SLC25A21: variants seen among roughly 807,000 people sequenced by gnomAD.
The protein encoded by SLC25A21 is mitochondrial 2-oxodicarboxylate carrier.
SLC25A21 carries 47 observed loss-of-function variants against 43.8 expected under a neutral mutation model. That is an observed-to-expected ratio of 1.07 (90% CI 0.85 to 1.37). SLC25A21 has a LOEUF of 1.37. Among genes scored for constraint, SLC25A21 ranks in the 40% most tolerant of loss-of-function variants. The pLI, the probability that SLC25A21 is intolerant of heterozygous loss-of-function variation, is 0.00. For synonymous variants in SLC25A21, 131 were observed against 121.3 expected (o/e 1.08, Z -0.52); for missense variants, 352 against 350.2 (o/e 1.00, Z -0.04).
chr14:36,946,198 CTT>C (rs1227617922), intron 1 of SLC25A21, among the ~76,000 whole-genome samples: 3 of 152,146 alleles, frequency 2.0e-5, no homozygotes, highest in Admixed American at 2.0e-4. Context: ...AAACTTACTT[CTT>C]GTCATACTGT....
intron 1 of SLC25A21, among the ~76,000 whole-genome samples, chr14:36,926,511 G>C (rs1021964717): frequency 3.3e-5 from 5 of 152,116 alleles, no homozygotes; most frequent in Non-Finnish European, 7.4e-5. Context: ...ACACTAAAAA[G>C]GAACTTCTTA....
chr14:37,053,215 A>T (rs1390645554), intron 1 of SLC25A21, among the ~76,000 whole-genome samples: 1 of 152,218 alleles, frequency 6.6e-6, no homozygotes, highest in Non-Finnish European at 1.5e-5. Flanking sequence ...AAAGGAAAAG[A>T]GATGAGAACC....
intron 1 of SLC25A21, among the ~76,000 whole-genome samples, chr14:37,014,089 T>A (rs1265164860): frequency 6.6e-6 from 1 of 152,096 alleles, no homozygotes; most frequent in African/African-American, 2.4e-5. Context: ...TGCCTTCACA[T>A]TGGTGAAGGC....
At chr14:36,813,355 C>T (rs1249166377) in intron 3 of SLC25A21, among the ~76,000 whole-genome samples, 2 of 128,584 alleles carry the variant, frequency 1.6e-5, no homozygotes, top group South Asian at 3.3e-4. Flanking sequence ...GATAATTAAT[C>T]GGACGCATCA....
At chr14:36,906,728 T>A (rs551889342) in intron 1 of SLC25A21, among the ~76,000 whole-genome samples, 1 of 151,914 alleles carries the variant, frequency 6.6e-6, no homozygotes, top group African/African-American at 2.4e-5. Context: ...ATGGTCTCGA[T>A]CTCCTGACCT....
At position 36,679,253 on chromosome 14, in the gene SLC25A21, A is replaced by C; in HGVS notation, c.*1405T>G. 1 of 984,046 alleles carries C rather than the reference A, an allele frequency of 1.0e-6. No individual in the cohort carries two copies. Among genetic ancestry groups the C allele is most frequent in the Non-Finnish European group, 1.2e-6 (1 of 828,678 alleles). 61.0% of individuals were successfully genotyped at this position (984,046 alleles called of 1,614,324 possible). A position where few individuals can be genotyped will look rare whatever the true frequency, so the allele number is the denominator to read the frequency against. On this transcript the variant is annotated 3_prime_UTR_variant, in exon 10 of 10. Transcript: ENST00000331299. ...TTGGACTGAAATATAAATTTTAAAA[A>C]ACACGTTGGAAAGGATGTACAACAG...
chr14:36,931,107 C>T (rs772959137), intron 1 of SLC25A21, among the ~76,000 whole-genome samples: 2 of 151,964 alleles, frequency 1.3e-5, no homozygotes, highest in Non-Finnish European at 2.9e-5. Context: ...TTTCCTCCTC[C>T]CCCCTATTTA....
intron 1 of SLC25A21, among the ~76,000 whole-genome samples, chr14:37,121,396 C>T (rs931722247): frequency 6.6e-6 from 1 of 152,128 alleles, no homozygotes; most frequent in Non-Finnish European, 1.5e-5. Context: ...CATGTCAGTG[C>T]GGATAGGGGA....
At chr14:36,987,711 C>T (rs1419435004) in intron 1 of SLC25A21, among the ~76,000 whole-genome samples, 1 of 152,122 alleles carries the variant, frequency 6.6e-6, no homozygotes, top group Non-Finnish European at 1.5e-5. Flanking sequence ...TCCATTTTTC[C>T]TATTATACAT....
At chr14:36,735,135 G>C (rs1884980698) in intron 3 of SLC25A21, among the ~76,000 whole-genome samples, 1 of 152,170 alleles carries the variant, frequency 6.6e-6, no homozygotes, top group Admixed American at 6.5e-5. Context: ...AGGTCACAGA[G>C]GGCCAGCTAC....
chr14:36,703,383 T>C (rs1376175113), intron 7 of SLC25A21, among the ~76,000 whole-genome samples: 2 of 152,222 alleles, frequency 1.3e-5, no homozygotes, highest in Non-Finnish European at 2.9e-5. Context: ...TCAGACATTC[T>C]ACAGAATTTA....
chr14:37,128,347 G>C (rs1264970524), intron 1 of SLC25A21, among the ~76,000 whole-genome samples: 1 of 152,216 alleles, frequency 6.6e-6, no homozygotes, highest in African/African-American at 2.4e-5. Flanking sequence ...ATTTTCTGTT[G>C]TTTGAAGCCA....
intron 1 of SLC25A21, among the ~76,000 whole-genome samples, chr14:37,088,781 A>C (rs1193143549): frequency 6.6e-6 from 1 of 152,216 alleles, no homozygotes; most frequent in Non-Finnish European, 1.5e-5. Flanking sequence ...TTAGTAACCA[A>C]GAAAACACCC....
At chr14:36,839,518 T>G (rs1205133977) in intron 2 of SLC25A21, among the ~76,000 whole-genome samples, 1 of 152,218 alleles carries the variant, frequency 6.6e-6, no homozygotes, top group Non-Finnish European at 1.5e-5. Flanking sequence ...ACACTCTTGC[T>G]CTAAAAAATT....
intron 1 of SLC25A21, among the ~76,000 whole-genome samples, chr14:36,958,728 A>G (rs1959411394): frequency 6.6e-6 from 1 of 151,108 alleles, no homozygotes. Context: ...CATGCAACAG[A>G]GCCAGAAGGG....
intron 1 of SLC25A21, among the ~76,000 whole-genome samples, chr14:37,162,272 G>T (rs1009310871): frequency 3.9e-5 from 6 of 152,170 alleles, no homozygotes; most frequent in South Asian, 2.1e-4. Context: ...AGTTTAATTA[G>T]ATCCGATTTG....
At chr14:36,793,533 C>CA (rs35553282) in intron 3 of SLC25A21, among the ~76,000 whole-genome samples, 48,231 of 125,754 alleles carry the variant, frequency 0.38, 9,722 homozygotes, top group East Asian at 0.57. Context: ...AAAATACAAC[C>CA]AAAAAAAAAA....
chr14:36,759,106 C>T (rs1157069666), intron 3 of SLC25A21, among the ~76,000 whole-genome samples: 1 of 152,164 alleles, frequency 6.6e-6, no homozygotes, highest in East Asian at 1.9e-4. Context: ...TCATCAGTGA[C>T]CTGCCAGCCC....
chr14:37,166,565 AAGTGTTAAC>A (rs1964033526), intron 1 of SLC25A21, among the ~76,000 whole-genome samples: 1 of 152,212 alleles, frequency 6.6e-6, no homozygotes, highest in Non-Finnish European at 1.5e-5. Context: ...AAAGGATTAA[AAGTGTTAAC>A]ACATGTAAAG....
Sources: gnomAD v4.1 joint callset for allele counts (sites outside exome capture counted in the v4.1 genomes callset) on GRCh38, gnomAD v4.1.1 for gene constraint, MANE v1.5 for transcripts, NCBI Gene and HGNC (gene_info 2026-07-23, HGNC 2026-07-21) for gene names.